Variants in STK32B observed in about 807,000 individuals in gnomAD.
The protein encoded by STK32B is serine/threonine kinase 32B.
In STK32B, 43 loss-of-function variants were observed where a neutral mutation model predicts 52.6. The observed-to-expected ratio is 0.82, with a 90% CI of 0.64 to 1.05. The LOEUF (loss-of-function observed/expected upper bound fraction) is 1.05, where lower values mean the gene tolerates loss of function less well. Ranked by LOEUF, STK32B falls within the 50% of genes least tolerant of loss-of-function variation. The pLI is 0.00. For missense variants in STK32B, 621 were observed against 534.6 expected (o/e 1.16, Z -1.59); for synonymous variants, 238 against 204.3 (o/e 1.17, Z -1.41).
In STK32B at chr4:5,470,701, T is replaced by TA. The variant is rs774920862; in HGVS notation, c.1106+2639dup. Among the ~76,000 whole-genome samples the TA allele has an allele frequency of 1.8e-4, 28 of 152,094 alleles. No individual in the cohort carries two copies. The highest frequency in any genetic ancestry group is 3.4e-3 in the Middle Eastern group (1 of 294). ...CTCCCTTGCTGCAGTTTCTCAGCAG[T>TA]AAAAAAAATGCCTATGAGAAGTTGA... On this transcript the variant is annotated intron_variant, in intron 11 of 11. Transcript: ENST00000282908. The surrounding 1 kb of genome is among the most constrained non-coding windows in gnomAD (Gnocchi z 4.6).
At chr4:5,434,458 A>G (rs201219045) in intron 6 of STK32B, among the ~76,000 whole-genome samples, 7 of 122,208 alleles carry the variant, frequency 5.7e-5, no homozygotes, top group Admixed American at 1.7e-4. Context: ...GTGTGTGTAT[A>G]TATATATATA....
rs1273683262 is a variant in STK32B at position 5,139,950 on chromosome 4, G to A, written c.98G>A (p.Ser33Asn). 1.2e-6 allele frequency: 2 copies of A among 1,614,166 alleles called. No homozygotes were observed. The highest frequency in any genetic ancestry group is 2.2e-5 in the South Asian group (2 of 91,072). The stretch of plus-strand genomic sequence containing the variant: ...ATTCTGCGGGCCATTGGTAAAGGGA[G>A]TTTTGGAAAGGTAAGAATATAAATG... Reference protein sequence around the residue: ...FQILRAIGKGSFGKVCIVQKR... With the variant: ...FQILRAIGKGNFGKVCIVQKR... Residue 33 changes from serine (S) to asparagine (N), a missense_variant, in exon 2 of 12, where the codon AGT (serine) becomes AAT (asparagine). Coordinates refer to ENST00000282908, the MANE Select transcript of STK32B (RefSeq NM_018401.3).
intron 3 of STK32B, among the ~76,000 whole-genome samples, chr4:5,244,030 C>T (rs1725248920): frequency 6.6e-6 from 1 of 151,868 alleles, no homozygotes; most frequent in Admixed American, 6.6e-5. Context: ...GGATATTGGT[C>T]TAAATTTCTC....
intron 11 of STK32B, among the ~76,000 whole-genome samples, chr4:5,497,533 C>G (rs1381282348): frequency 6.6e-6 from 1 of 152,190 alleles, no homozygotes; most frequent in Admixed American, 6.5e-5. Context: ...GAGCTGCAAG[C>G]CTTGGGGGCA....
chr4:5,439,785 G>A (rs1406924099), intron 6 of STK32B, among the ~76,000 whole-genome samples: 1 of 152,024 alleles, frequency 6.6e-6, no homozygotes, highest in Non-Finnish European at 1.5e-5. Flanking sequence ...TTTGTATAAG[G>A]TGTAAGGAAG....
rs1577069624 is a variant in STK32B, at chr4:5,497,754, CAT to C, written c.1107-1189_1107-1188del. 2.0e-5 allele frequency among the ~76,000 whole-genome samples: 3 copies of C among 152,260 alleles called. No homozygotes were observed. In the East Asian group the frequency reaches 5.8e-4, roughly 29 times the overall value. On this transcript the variant is annotated intron_variant, in intron 11 of 11. Coordinates refer to ENST00000282908, the MANE Select transcript of STK32B (RefSeq NM_018401.3). ...CACACAACTGTGACCTGTCTAAGGG[CAT>C]AGACTGTTGTAGTCATCTTAGGATA...
intron 11 of STK32B, among the ~76,000 whole-genome samples, chr4:5,496,311 G>A (rs1051460917): frequency 1.4e-4 from 22 of 152,190 alleles, no homozygotes; most frequent in Non-Finnish European, 2.8e-4. Flanking sequence ...CCTCGCTGCC[G>A]CCTTGCAGTT....
intron 1 of STK32B, among the ~76,000 whole-genome samples, chr4:5,052,936 A>C (rs1267268705): frequency 1.3e-5 from 2 of 152,138 alleles, no homozygotes; most frequent in African/African-American, 2.4e-5. Context: ...CTACCTTAGA[A>C]AGGGGTCTGT....
chr4:5,396,839 C>T lies in STK32B; in HGVS notation c.435-1368C>T, dbSNP rs1327682789. On this transcript the variant is annotated intron_variant, in intron 4 of 11. Transcript: ENST00000282908. The surrounding 1 kb of genome is among the most constrained non-coding windows in gnomAD (Gnocchi z 4.7). ...CAAGCATTTGCTGACTTCATCCGCA[C>T]TTGACTCTAGGTCTTCTGCCTTTTG... Among the ~76,000 whole-genome samples the T allele has an allele frequency of 6.6e-6, 1 of 151,550 alleles. No individual in the cohort carries two copies. Among genetic ancestry groups the T allele is most frequent in the Non-Finnish European group, 1.5e-5 (1 of 67,966 alleles).
chr4:5,444,889 A>G (rs1715242727), intron 6 of STK32B, among the ~76,000 whole-genome samples: 1 of 152,198 alleles, frequency 6.6e-6, no homozygotes, highest in East Asian at 1.9e-4. Context: ...CCAGGGCACA[A>G]TGTCAGTTCC....
intron 5 of STK32B, among the ~76,000 whole-genome samples, chr4:5,407,861 C>T (rs758954922): frequency 4.6e-5 from 7 of 152,104 alleles, no homozygotes; most frequent in Non-Finnish European, 1.0e-4. Flanking sequence ...GGAACACAGA[C>T]GTAAACCGTA....
chr4:5,088,255 A>C (rs986542802), intron 1 of STK32B, among the ~76,000 whole-genome samples: 1 of 152,098 alleles, frequency 6.6e-6, no homozygotes, highest in Non-Finnish European at 1.5e-5. Flanking sequence ...AACTCATGGT[A>C]TGCATATATC....
intron 5 of STK32B, among the ~76,000 whole-genome samples, chr4:5,403,210 A>G (rs1431366870): frequency 1.3e-5 from 2 of 152,160 alleles, no homozygotes; most frequent in African/African-American, 4.8e-5. Flanking sequence ...ATCCAGAGCC[A>G]TACCCCCAAC....
chr4:5,271,713 C>T (rs1045692520), intron 3 of STK32B, among the ~76,000 whole-genome samples: 9 of 145,946 alleles, frequency 6.2e-5, no homozygotes, highest in Admixed American at 4.0e-4. Flanking sequence ...TTGAAGAGGT[C>T]CTTCACATCC....
Position 5,411,315 on chromosome 4 carries a change from G to A in STK32B, c.473-5530G>A, listed in dbSNP as rs145175356. Among the ~76,000 whole-genome samples, 773 of 152,204 alleles carry A rather than the reference G, an allele frequency of 5.1e-3. 5 individuals carry two copies. Among genetic ancestry groups the A allele is most frequent in the African/African-American group, 0.016 (680 of 41,524 alleles). The stretch of plus-strand genomic sequence containing the variant: ...CTCCCAAAGTGCTGGGATTACAGGC[G>A]TGAGCCACTGTGCCCGGCCAGGGCC... On this transcript the variant is annotated intron_variant, in intron 5 of 11. Coordinates refer to ENST00000282908, the MANE Select transcript of STK32B (RefSeq NM_018401.3).
chr4:5,132,385 T>G (rs1161716481), intron 1 of STK32B, among the ~76,000 whole-genome samples: 2 of 152,158 alleles, frequency 1.3e-5, no homozygotes, highest in Admixed American at 1.3e-4. Context: ...TTAGGAACTA[T>G]GCTTACTACC....
At chr4:5,193,625 G>A (rs928922825) in intron 3 of STK32B, among the ~76,000 whole-genome samples, 1 of 152,190 alleles carries the variant, frequency 6.6e-6, no homozygotes, top group Non-Finnish European at 1.5e-5. Flanking sequence ...CCAATGTCCT[G>A]GCCCCTGCTC....
chr4:5,244,766 G>A (rs1725317795), intron 3 of STK32B, among the ~76,000 whole-genome samples: 1 of 152,092 alleles, frequency 6.6e-6, no homozygotes, highest in African/African-American at 2.4e-5. Flanking sequence ...CAGAGATTCT[G>A]GTATGTTGTG....
At chr4:5,296,717 A>C (rs1379882065) in intron 3 of STK32B, among the ~76,000 whole-genome samples, 2 of 152,182 alleles carry the variant, frequency 1.3e-5, no homozygotes, top group Non-Finnish European at 2.9e-5. Context: ...CTCCTTATCC[A>C]ATTTGCCAGT....
Sources: allele counts gnomAD v4.1 joint callset (sites outside exome capture counted in the v4.1 genomes callset), GRCh38; gene constraint gnomAD v4.1.1; non-coding constraint Gnocchi (gnomAD v3.1); transcripts MANE v1.5; gene names NCBI Gene and HGNC (gene_info 2026-07-23, HGNC 2026-07-21).